The following LIF variants were observed in gnomAD, a reference collection of about 807,000 sequenced individuals.
The protein encoded by LIF is LIF interleukin 6 family cytokine, also known as leukemia inhibitory factor.
A neutral mutation model predicts 15.0 loss-of-function variants in LIF; 9 were observed. The ratio of observed to expected loss-of-function variants is 0.60; its 90% confidence interval spans 0.36 to 1.04. The LOEUF (loss-of-function observed/expected upper bound fraction) is 1.04. LIF is among the 50% of genes least tolerant of loss of function. The probability of loss-of-function intolerance (pLI) is 0.01; values close to 1 mark genes in which losing one functional copy is unlikely to be tolerated. For synonymous variants in LIF, 122 were observed against 119.7 expected (o/e 1.02, Z -0.13); for missense variants, 240 against 266.7 (o/e 0.90, Z 0.70).
At chr22:30,246,458 C>T in intron 1 of LIF, 1 of 1,214,016 alleles carries the variant, frequency 8.2e-7, no homozygotes, top group South Asian at 3.7e-5. Context: ...TCGGCGCCCC[C>T]TCCCTCGCCG....
At chr22:30,244,135 G>A in intron 2 of LIF, 74 bp from the exon 3 acceptor site, 1 of 1,433,356 alleles carries the variant, frequency 7.0e-7, no homozygotes, top group Non-Finnish European at 9.5e-7. Flanking sequence ...CTTTGGGCAA[G>A]CTCTTGCGTC....
rs557277214 is a variant in LIF, at chr22:30,244,331, G to T, written c.199-270C>A. On this transcript the variant is annotated intron_variant, in intron 2 of 2. Transcript: ENST00000249075. ...CTAAGGGGACAGAAGGGAAAACTCG[G>T]TGTCTAGCCCTAGCTGGGGCACCAC... Among the ~76,000 whole-genome samples, 33 of 152,170 alleles carry T rather than the reference G, an allele frequency of 2.2e-4. 1 individual carries two copies. The highest frequency in any genetic ancestry group is 2.0e-3 in the Admixed American group (31 of 15,286).
intron 1 of LIF, chr22:30,246,234 G>C (rs545382918): frequency 5.9e-6 from 1 of 168,802 alleles, no homozygotes; most frequent in East Asian, 1.8e-4. Context: ...TCCCAGGCCG[G>C]AGTTTGCAAG....
At chr22:30,246,467 C>G (rs1019488167) in intron 1 of LIF, 4 of 1,217,634 alleles carry the variant, frequency 3.3e-6, no homozygotes, top group Admixed American at 4.5e-5. Flanking sequence ...CCTCCCTCGC[C>G]GCCAACCTGC....
rs1040554219 is a variant in LIF at position 30,241,667 on chromosome 22, G to C, written c.*1984C>G. The C allele has an allele frequency of 1.3e-5, 2 of 152,762 alleles. No individual in the cohort carries two copies. The highest frequency in any genetic ancestry group is 2.9e-5 in the Non-Finnish European group (2 of 68,108). The allele number at this position is 152,762 out of a possible 1,614,324, so 9.5% of individuals were successfully genotyped here. A position where few individuals can be genotyped will look rare whatever the true frequency, so the allele number is the denominator to read the frequency against. ...TCTTGTCGGAGGAACTTGGAGGCCG[G>C]CAGCCCGCTCAGGGTTTGAGAAGAA... On this transcript the variant is annotated 3_prime_UTR_variant, in exon 3 of 3. Coordinates refer to ENST00000249075, the MANE Select transcript of LIF (RefSeq NM_002309.5). The surrounding 1 kb of genome is among the most constrained non-coding windows in gnomAD (Gnocchi z 4.4).
chr22:30,241,065 A>G lies in LIF; in HGVS notation c.*2586T>C, dbSNP rs1301888746. On this transcript the variant is annotated 3_prime_UTR_variant, in exon 3 of 3. Transcript: ENST00000249075. The surrounding 1 kb of genome is among the most constrained non-coding windows in gnomAD (Gnocchi z 4.4). ...CACCAGCAGATAAAAAGGGAAGAGA[A>G]ACCCAGCTCCCGGCCTGGCAGAGCT... 6.6e-6 allele frequency: 1 copy of G among 152,314 alleles called. No homozygotes were observed. Among genetic ancestry groups the G allele is most frequent in the Non-Finnish European group, 1.5e-5 (1 of 68,096 alleles). 9.4% of individuals were successfully genotyped at this position (152,314 alleles called of 1,614,324 possible).
Position 30,244,042 on chromosome 22 carries a change from G to A in LIF, c.218C>T (p.Pro73Leu), listed in dbSNP as rs140799590. ...TAGCTTGTCCAGGTTGTTGGGGAAC[G>A]GCTCCCCCTGGGCTGTGTACTGAGG... The part of the protein sequence containing the change: ...FILYYTAQGE[P>L]FPNNLDKLCG... Residue 73 changes from proline (P) to leucine (L), a missense_variant, in exon 3 of 3, where the codon CCG becomes CTG. Coordinates refer to ENST00000249075, the MANE Select transcript of LIF (RefSeq NM_002309.5). 1.9e-5 allele frequency: 30 copies of A among 1,609,262 alleles called. No individual in the cohort carries two copies. Among genetic ancestry groups the A allele is most frequent in the Non-Finnish European group, 2.5e-5 (30 of 1,179,398 alleles).
chr22:30,244,856 T>A lies in LIF; in HGVS notation c.97A>T (p.Thr33Ser), dbSNP rs1161141193. The A allele has an allele frequency of 6.2e-7, 1 of 1,614,016 alleles. No homozygotes were observed. ...SPLPITPVNA[T>S]CAIRHPCHNN... ...TGACATGGGTGGCGTATGGCACAGG[T>A]GGCGTTGACAGGGGTGATGGGGAGG... Residue 33 changes from threonine to serine, a missense_variant, in exon 2 of 3, where the codon ACC becomes TCC. Transcript: ENST00000249075.
chr22:30,245,056 A>G (rs747546565), intron 1 of LIF, 123 bp from the exon 2 acceptor site: 44 of 867,938 alleles, frequency 5.1e-5, no homozygotes, highest in Non-Finnish European at 7.9e-5. Context: ...CCCCCTCACC[A>G]CCTGCAGCTG....
At chr22:30,244,186 T>G in intron 2 of LIF, 125 bp from the exon 3 acceptor site, 1 of 867,978 alleles carries the variant, frequency 1.2e-6, no homozygotes, top group Non-Finnish European at 1.7e-6. Flanking sequence ...CTCCTTGCCC[T>G]GTAAGCATCT....
At chr22:30,246,595 C>T (rs1239242923) in intron 1 of LIF, 82 bp downstream of exon 1, 1 of 1,508,568 alleles carries the variant, frequency 6.6e-7, no homozygotes, top group Non-Finnish European at 8.9e-7. Flanking sequence ...GGTGGGCGTC[C>T]GGCTCGCGCT....
At chr22:30,245,420 G>A (rs1380956911) in intron 1 of LIF, among the ~76,000 whole-genome samples, 2 of 152,212 alleles carry the variant, frequency 1.3e-5, no homozygotes, top group East Asian at 1.9e-4. Flanking sequence ...TCCGAAGCCA[G>A]GCACCCATGG....
rs1928676413 is a variant in LIF at position 30,241,706 on chromosome 22, T to C, written c.*1945A>G. On this transcript the variant is annotated 3_prime_UTR_variant, in exon 3 of 3. Coordinates refer to ENST00000249075, the MANE Select transcript of LIF (RefSeq NM_002309.5). The surrounding 1 kb of genome is among the most constrained non-coding windows in gnomAD (Gnocchi z 4.4). Reference sequence around the variant, plus strand: ...GTTTGAGAAGAAGCCAGAACACTGCTCTGAGCAGCTGCCCCAACTCTGCTG... The same window carrying C: ...GTTTGAGAAGAAGCCAGAACACTGCCCTGAGCAGCTGCCCCAACTCTGCTG... The C allele has an allele frequency of 6.6e-6, 1 of 152,548 alleles. No individual in the cohort carries two copies. Among genetic ancestry groups the C allele is most frequent in the Admixed American group, 6.5e-5 (1 of 15,286 alleles). The allele number at this position is 152,548 out of a possible 1,614,324, so 9.4% of individuals were successfully genotyped here. A position where few individuals can be genotyped will look rare whatever the true frequency, so the allele number is the denominator to read the frequency against.
chr22:30,246,621 T>G, intron 1 of LIF, 56 bp downstream of exon 1: 1 of 1,533,946 alleles, frequency 6.5e-7, no homozygotes, highest in Non-Finnish European at 8.8e-7. Context: ...GCGCCCCAAG[T>G]TGCCGCCGCG....
rs1178658061 is a variant in LIF, at chr22:30,240,579, C to T, written c.*3072G>A. Reference sequence around the variant, plus strand: ...AAATAATCTGTCAGTATGAAACATCCCCACAGGGTACATTCATCAAAGAGG... The same window carrying T: ...AAATAATCTGTCAGTATGAAACATCTCCACAGGGTACATTCATCAAAGAGG... On this transcript the variant is annotated 3_prime_UTR_variant, in exon 3 of 3. Coordinates refer to ENST00000249075, the MANE Select transcript of LIF (RefSeq NM_002309.5). The T allele has an allele frequency of 1.3e-5, 2 of 152,416 alleles. No homozygotes were observed. Among genetic ancestry groups the T allele is most frequent in the Non-Finnish European group, 2.9e-5 (2 of 68,014 alleles). 9.4% of individuals were successfully genotyped at this position (152,416 alleles called of 1,614,324 possible). A position where few individuals can be genotyped will look rare whatever the true frequency, so the allele number is the denominator to read the frequency against.
At chr22:30,244,092 T>G in intron 2 of LIF, 31 bp from the exon 3 acceptor site, 2 of 1,579,010 alleles carry the variant, frequency 1.3e-6, no homozygotes, top group Non-Finnish European at 1.7e-6. Flanking sequence ...GACGTGGGAG[T>G]CAGGGGTCAG....
chr22:30,242,315 C>A lies in LIF; in HGVS notation c.*1336G>T. The A allele has an allele frequency of 7.4e-6, 1 of 135,384 alleles. No individual in the cohort carries two copies. The highest frequency in any genetic ancestry group is 1.6e-5 in the Non-Finnish European group (1 of 60,958). The allele number at this position is 135,384 out of a possible 1,614,324, so 8.4% of individuals were successfully genotyped here. ...TGGACCCTGACACCCTAAAGCAAGT[C>A]ACAGTAGGGGATGGGGGGGGGTGGA... On this transcript the variant is annotated 3_prime_UTR_variant, in exon 3 of 3. Coordinates refer to ENST00000249075, the MANE Select transcript of LIF (RefSeq NM_002309.5).
Position 30,243,597 on chromosome 22 carries a change from T to C in LIF, c.*54A>G, listed in dbSNP as rs2123832387. 6.2e-7 allele frequency: 1 copy of C among 1,611,898 alleles called. No individual in the cohort carries two copies. The highest frequency in any genetic ancestry group is 8.5e-7 in the Non-Finnish European group (1 of 1,179,036). ...AGCCACCCTTGGACAGGCCCCCACA[T>C]CTGGACCCAACTCCTGAGATCCCTC... On this transcript the variant is annotated 3_prime_UTR_variant, in exon 3 of 3. Coordinates refer to ENST00000249075, the MANE Select transcript of LIF (RefSeq NM_002309.5). This position sits in a 1 kb window ranked among gnomAD's most constrained non-coding sequence, Gnocchi z 6.0.
chr22:30,245,046 C>A, intron 1 of LIF, 113 bp from the exon 2 acceptor site: 2 of 956,480 alleles, frequency 2.1e-6, no homozygotes, highest in South Asian at 2.8e-5. Flanking sequence ...ACTCCTGGTT[C>A]CCCCTCACCA....
Sources: allele counts gnomAD v4.1 joint callset (sites outside exome capture counted in the v4.1 genomes callset), GRCh38; gene constraint gnomAD v4.1.1; non-coding constraint Gnocchi (gnomAD v3.1); transcripts MANE v1.5; gene names NCBI Gene and HGNC (gene_info 2026-07-23, HGNC 2026-07-21).